ZNF804B: variants seen among roughly 807,000 people sequenced by gnomAD.
The protein encoded by ZNF804B is zinc finger protein 804B, also known as zinc finger 804B.
ZNF804B carries 80 observed loss-of-function variants against 101.4 expected under a neutral mutation model. The ratio of observed to expected loss-of-function variants is 0.79; its 90% CI spans 0.66 to 0.95. ZNF804B has a LOEUF of 0.95. ZNF804B is among the 40% of genes least tolerant of loss of function. The pLI is 0.00. For synonymous variants in ZNF804B, 622 were observed against 558.8 expected (o/e 1.11, Z -1.59); for missense variants, 1,673 against 1,561.9 (o/e 1.07, Z -1.20).
chr7:88,783,671 G>A (rs1053734078), intron 1 of ZNF804B, among the ~76,000 whole-genome samples: 11 of 152,032 alleles, frequency 7.2e-5, no homozygotes, highest in Admixed American at 1.3e-4. Context: ...GCAGAGAATC[G>A]TTACAATAAT....
intron 1 of ZNF804B, among the ~76,000 whole-genome samples, chr7:88,797,887 T>G (rs991810474): frequency 2.6e-5 from 4 of 152,138 alleles, no homozygotes; most frequent in Admixed American, 1.3e-4. Context: ...TGATGTACTA[T>G]CAAGTTTTGA....
intron 1 of ZNF804B, among the ~76,000 whole-genome samples, chr7:88,992,197 G>C (rs2116155518): frequency 6.6e-6 from 1 of 152,118 alleles, no homozygotes; most frequent in Middle Eastern, 3.4e-3. Context: ...CAAAAGTGTG[G>C]TTTAAGGCAG....
intron 1 of ZNF804B, among the ~76,000 whole-genome samples, chr7:88,799,708 C>A (rs985798499): frequency 2.0e-5 from 3 of 151,904 alleles, no homozygotes; most frequent in Non-Finnish European, 2.9e-5. Context: ...GCTTAGAGTC[C>A]AGATTTCAGG....
chr7:89,290,946 G>GT (rs1208929382), intron 2 of ZNF804B, among the ~76,000 whole-genome samples: 4 of 152,018 alleles, frequency 2.6e-5, no homozygotes, highest in Non-Finnish European at 4.4e-5. Flanking sequence ...GAGAGACTCT[G>GT]TTTTTTTGGA....
chr7:89,237,596 G>A (rs987038202), intron 2 of ZNF804B, among the ~76,000 whole-genome samples: 2 of 152,174 alleles, frequency 1.3e-5, no homozygotes, highest in Non-Finnish European at 2.9e-5. Context: ...GGCAGAAGGT[G>A]CAGGAATAAG....
chr7:89,169,753 A>C (rs2116431658), intron 1 of ZNF804B, among the ~76,000 whole-genome samples: 1 of 152,324 alleles, frequency 6.6e-6, no homozygotes, highest in South Asian at 2.1e-4. Context: ...CAATTAACTT[A>C]TATAATTAGA....
At chr7:89,135,990 T>G (rs1309397442) in intron 1 of ZNF804B, among the ~76,000 whole-genome samples, 4 of 152,142 alleles carry the variant, frequency 2.6e-5, no homozygotes, top group African/African-American at 9.6e-5. Context: ...AAAATTTATG[T>G]TTTTGAATTT....
intron 1 of ZNF804B, among the ~76,000 whole-genome samples, chr7:89,203,652 A>C (rs1168806765): frequency 6.6e-6 from 1 of 152,094 alleles, no homozygotes; most frequent in Non-Finnish European, 1.5e-5. Context: ...CGCCAGTTTG[A>C]AATAATGGTG....
chr7:88,970,499 G>A (rs1793518941), intron 1 of ZNF804B, among the ~76,000 whole-genome samples: 1 of 151,260 alleles, frequency 6.6e-6, no homozygotes. Context: ...AATTTTGCAG[G>A]TCTAATATTA....
intron 1 of ZNF804B, among the ~76,000 whole-genome samples, chr7:89,209,043 C>G (rs1432165196): frequency 6.6e-6 from 1 of 151,704 alleles, no homozygotes; most frequent in Non-Finnish European, 1.5e-5. Context: ...TAATAATAAT[C>G]CCTGTTCAAT....
At chr7:89,185,735 C>A (rs1014639669) in intron 1 of ZNF804B, among the ~76,000 whole-genome samples, 1 of 151,966 alleles carries the variant, frequency 6.6e-6, no homozygotes, top group Admixed American at 6.6e-5. Context: ...TGGCTTCTGC[C>A]TGTAATCCCA....
chr7:88,974,573 T>C (rs79687297), intron 1 of ZNF804B, among the ~76,000 whole-genome samples: 3,424 of 151,404 alleles, frequency 0.023, 134 homozygotes, highest in African/African-American at 0.078. Flanking sequence ...GTTTGAAATC[T>C]GAAGTTAAAT....
intron 2 of ZNF804B, among the ~76,000 whole-genome samples, chr7:89,302,495 T>C (rs994485797): frequency 1.2e-4 from 18 of 151,714 alleles, no homozygotes; most frequent in African/African-American, 4.4e-4. Flanking sequence ...CATTATAAAA[T>C]AGAGGAAGTT....
intron 1 of ZNF804B, among the ~76,000 whole-genome samples, chr7:89,152,166 T>C (rs1174696964): frequency 1.3e-5 from 2 of 152,136 alleles, no homozygotes; most frequent in Non-Finnish European, 2.9e-5. Context: ...TTTTTCCATC[T>C]ATTTTAAGTG....
chr7:88,956,430 C>T (rs1793310096), intron 1 of ZNF804B, among the ~76,000 whole-genome samples: 1 of 151,428 alleles, frequency 6.6e-6, no homozygotes, highest in Non-Finnish European at 1.5e-5. Context: ...TGGTTTATGT[C>T]ATTGGCTTTG....
chr7:88,779,950 G>T (rs1309983796), intron 1 of ZNF804B, among the ~76,000 whole-genome samples: 2 of 152,020 alleles, frequency 1.3e-5, no homozygotes, highest in Non-Finnish European at 2.9e-5. Flanking sequence ...CTGTCCAACT[G>T]GTCATTCATT....
chr7:88,874,209 G>A (rs1321324113), intron 1 of ZNF804B, among the ~76,000 whole-genome samples: 1 of 152,008 alleles, frequency 6.6e-6, no homozygotes, highest in Non-Finnish European at 1.5e-5. Flanking sequence ...TGGATTCCTA[G>A]GTATTTTATT....
intron 1 of ZNF804B, among the ~76,000 whole-genome samples, chr7:88,786,693 G>T (rs1163838526): frequency 6.6e-6 from 1 of 151,922 alleles, no homozygotes; most frequent in Non-Finnish European, 1.5e-5. Context: ...AGCAATACTG[G>T]AGATATCCAA....
chr7:89,109,308 C>A (rs1790179785), intron 1 of ZNF804B, among the ~76,000 whole-genome samples: 1 of 152,164 alleles, frequency 6.6e-6, no homozygotes, highest in African/African-American at 2.4e-5. Flanking sequence ...TAGTAAAGAA[C>A]TACTTGTTCT....
Sources: gnomAD v4.1 joint callset for allele counts (sites outside exome capture counted in the v4.1 genomes callset) on GRCh38, gnomAD v4.1.1 for gene constraint, MANE v1.5 for transcripts, NCBI Gene and HGNC (gene_info 2026-07-23, HGNC 2026-07-21) for gene names.